The following DISP1 variants were observed in gnomAD, a reference collection of about 807,000 sequenced individuals.
DISP1 encodes protein dispatched homolog 1.
A neutral mutation model predicts 37.3 loss-of-function variants in DISP1; 30 were observed. That is an observed-to-expected ratio of 0.80 (90% CI 0.60 to 1.09). DISP1 has a LOEUF of 1.09. Among genes scored for constraint, DISP1 ranks in the 50% least tolerant of loss-of-function variants. The probability of loss-of-function intolerance (pLI) is 0.00; values close to 1 mark genes in which losing one functional copy is unlikely to be tolerated. For missense variants in DISP1, 1,598 were observed against 1,879.5 expected (o/e 0.85, Z 2.77); for synonymous variants, 634 against 690.2 (o/e 0.92, Z 1.28).
chr1:223,004,796 C>T lies in DISP1; in HGVS notation c.3399C>T (p.Cys1133=), dbSNP rs754492774. Residue 1133 remains cysteine (C), a synonymous_variant, in exon 9 of 9, where the codon TGC becomes TGT. Transcript: ENST00000675850. The surrounding 1 kb of genome is among the most constrained non-coding windows in gnomAD (Gnocchi z 4.9). ...TCTTTTTCCAGTGCATGTGCCGGTG[C>T]CTTGGACCACAGGGTACCTGTGGTC... ...ATFFFQCMCR[C]LGPQGTCGQI... 1 of 1,612,466 alleles carries T rather than the reference C, an allele frequency of 6.2e-7. No homozygotes were observed. The highest frequency in any genetic ancestry group is 8.5e-7 in the Non-Finnish European group (1 of 1,180,024).
chr1:223,000,184 G>A (rs1311314468), intron 8 of DISP1, among the ~76,000 whole-genome samples: 1 of 152,136 alleles, frequency 6.6e-6, no homozygotes, highest in East Asian at 1.9e-4. Context: ...TTTTCATAAT[G>A]GATACAGTTC....
chr1:222,970,446 TG>T (rs1170013680), intron 3 of DISP1, among the ~76,000 whole-genome samples: 1 of 152,176 alleles, frequency 6.6e-6, no homozygotes, highest in African/African-American at 2.4e-5. Flanking sequence ...GCCTACCTTA[TG>T]GGGGGATCAT....
At chr1:222,887,308 C>T (rs988924283) in intron 1 of DISP1, among the ~76,000 whole-genome samples, 1 of 152,082 alleles carries the variant, frequency 6.6e-6, no homozygotes, top group African/African-American at 2.4e-5. Flanking sequence ...GTATGTCATC[C>T]TTCTGATTGG....
chr1:222,868,352 TG>T (rs1669320802), intron 1 of DISP1, among the ~76,000 whole-genome samples: 1 of 152,082 alleles, frequency 6.6e-6, no homozygotes, highest in Non-Finnish European at 1.5e-5. Context: ...CATATATATA[TG>T]TGTGTGTATA....
chr1:222,856,285 T>C (rs1279126313), intron 1 of DISP1, among the ~76,000 whole-genome samples: 3 of 152,232 alleles, frequency 2.0e-5, no homozygotes, highest in Admixed American at 2.0e-4. Context: ...ATGAAACTAA[T>C]AGTTCCAGGC....
At position 223,003,635 on chromosome 1, in the gene DISP1, A is replaced by G. The variant is rs1679652617; in HGVS notation, c.2238A>G (p.Ser746=). 3.7e-6 allele frequency: 6 copies of G among 1,613,954 alleles called. No homozygotes were observed. The highest frequency in any genetic ancestry group is 2.2e-5 in the East Asian group (1 of 44,888). Residue 746 remains serine (S), a synonymous_variant, in exon 9 of 9, where the codon TCA becomes TCG. Transcript: ENST00000675850. This position sits in a 1 kb window ranked among gnomAD's most constrained non-coding sequence, Gnocchi z 4.3. ...VCINPKMKLP[S]LELSEFQVFR... ...TAAATCCAAAGATGAAACTGCCCTC[A>G]CTGGAGTTATCCGAGTTCCAGGTGT...
chr1:222,943,308 T>G lies in DISP1; in HGVS notation c.485T>G (p.Val162Gly), dbSNP rs1227920864. 1.9e-6 allele frequency: 3 copies of G among 1,614,094 alleles called. No homozygotes were observed. Among genetic ancestry groups the G allele is most frequent in the Non-Finnish European group, 1.7e-6 (2 of 1,180,046 alleles). Residue 162 changes from valine (V) to glycine (G), a missense_variant, in exon 3 of 9, where the codon GTG becomes GGG. Physicochemically the swap from Val to Gly is moderately radical, Grantham distance 109 (BLOSUM62 -3). Transcript: ENST00000675850. ...CCTGACCATTTTCAGCATCAGCCTG[T>G]GCAACAGCACATAGCCAACATAAGG... ...PWPDHFQHQP[V>G]QQHIANIRPS...
chr1:222,864,757 T>C (rs1453217959), intron 1 of DISP1, among the ~76,000 whole-genome samples: 1 of 152,194 alleles, frequency 6.6e-6, no homozygotes, highest in Non-Finnish European at 1.5e-5. Context: ...ATTCTCTTCC[T>C]ATACCCGCTG....
chr1:222,949,058 G>A (rs945863434), intron 3 of DISP1, among the ~76,000 whole-genome samples: 3 of 151,612 alleles, frequency 2.0e-5, no homozygotes, highest in African/African-American at 7.3e-5. Context: ...TCAACCATCT[G>A]TGTGTTTTTT....
chr1:222,825,171 A>C (rs1272310795), intron 1 of DISP1, among the ~76,000 whole-genome samples: 3 of 73,394 alleles, frequency 4.1e-5, no homozygotes, highest in South Asian at 9.2e-4. Context: ...GTGGTGGGGG[A>C]TGGTGGGGGT....
chr1:222,818,754 T>G (rs1230774884), intron 1 of DISP1, among the ~76,000 whole-genome samples: 1 of 152,184 alleles, frequency 6.6e-6, no homozygotes, highest in East Asian at 1.9e-4. Flanking sequence ...CTCCTTTACT[T>G]AAGGTCAACT....
intron 1 of DISP1, among the ~76,000 whole-genome samples, chr1:222,895,455 CTT>C (rs1671198470): frequency 6.6e-6 from 1 of 152,166 alleles, no homozygotes; most frequent in South Asian, 2.1e-4. Flanking sequence ...GAAATACAAA[CTT>C]CTGCCATTTA....
intron 1 of DISP1, among the ~76,000 whole-genome samples, chr1:222,892,114 C>A (rs1277009781): frequency 6.6e-6 from 1 of 151,942 alleles, no homozygotes; most frequent in African/African-American, 2.4e-5. Flanking sequence ...TTCTAGATTC[C>A]CAAATGCTGA....
chr1:222,962,653 T>C (rs1676154280), intron 3 of DISP1, among the ~76,000 whole-genome samples: 1 of 152,052 alleles, frequency 6.6e-6, no homozygotes, highest in Non-Finnish European at 1.5e-5. Context: ...GATCTTCAAC[T>C]AATCTGACAA....
At chr1:222,993,112 C>T (rs537039560) in intron 7 of DISP1, among the ~76,000 whole-genome samples, 44 of 152,064 alleles carry the variant, frequency 2.9e-4, no homozygotes, top group African/African-American at 9.9e-4. Flanking sequence ...GTGACCATAC[C>T]GCCTTGACTT....
intron 1 of DISP1, among the ~76,000 whole-genome samples, chr1:222,891,844 GAGA>G (rs1216024040): frequency 6.6e-6 from 1 of 152,076 alleles, no homozygotes. Flanking sequence ...AAGGCCAATG[GAGA>G]AGAAGAAGGA....
rs184102184 is a variant in DISP1, at chr1:222,988,748, G to A, written c.540-1877G>A. On this transcript the variant is annotated intron_variant, in intron 4 of 8. Coordinates refer to ENST00000675850, the MANE Select transcript of DISP1 (RefSeq NM_001377229.1). ...TGCTCACTGCAACCTCCGCCTCCTG[G>A]GTTCAAGTAATTCTCCTGCCTCAGC... Among the ~76,000 whole-genome samples, 882 of 151,114 alleles carry A rather than the reference G, an allele frequency of 5.8e-3. 36 individuals are homozygous for A. Among genetic ancestry groups the A allele is most frequent in the Admixed American group, 0.054 (822 of 15,166 alleles).
intron 3 of DISP1, among the ~76,000 whole-genome samples, chr1:222,952,616 C>T (rs1266630367): frequency 1.3e-5 from 2 of 152,130 alleles, no homozygotes; most frequent in Non-Finnish European, 2.9e-5. Flanking sequence ...CTTTGGGAGG[C>T]CGAGGCAGGC....
chr1:222,910,875 AG>A (rs1558324749), intron 1 of DISP1, among the ~76,000 whole-genome samples: 1 of 152,186 alleles, frequency 6.6e-6, no homozygotes, highest in Non-Finnish European at 1.5e-5. Flanking sequence ...TTTTGAGGGT[AG>A]TTTGGCCAGG....
Sources: gnomAD v4.1 joint callset for allele counts (sites outside exome capture counted in the v4.1 genomes callset) on GRCh38, gnomAD v4.1.1 for gene constraint, Gnocchi (gnomAD v3.1) non-coding constraint, MANE v1.5 for transcripts, NCBI Gene and HGNC (gene_info 2026-07-23, HGNC 2026-07-21) for gene names.